ATP8A2: variants seen among roughly 807,000 people sequenced by gnomAD.
ATP8A2 encodes the protein ATPase phospholipid transporting 8A2.
In ATP8A2, 100 loss-of-function variants were observed where a neutral mutation model predicts 165.6. The observed-to-expected ratio is 0.60, with a 90% CI of 0.51 to 0.71. ATP8A2 has a LOEUF of 0.71. ATP8A2 is among the 30% of genes least tolerant of loss of function. The probability of loss-of-function intolerance (pLI) is 0.00; values close to 1 mark genes in which losing one functional copy is unlikely to be tolerated. For missense variants in ATP8A2, 1,227 were observed against 1,479.5 expected (o/e 0.83, Z 2.80); for synonymous variants, 543 against 548.8 (o/e 0.99, Z 0.15).
rs2038940527 is a variant in ATP8A2, at chr13:25,555,032, G to A, written c.1227G>A (p.Met409Ile). The change falls in exon 13 of 37, where the codon ATG becomes ATA. Residue 409 changes from methionine to isoleucine, a missense_variant. Transcript: ENST00000381655. Reference sequence around the variant, plus strand: ...ATATAGGAAATGACACTCCTGCCATGGCCAGGACATCAAACCTTAATGAAG... The same window carrying A: ...ATATAGGAAATGACACTCCTGCCATAGCCAGGACATCAAACCTTAATGAAG... ...MYYIGNDTPAMARTSNLNEEL... is the reference protein window; with the variant it reads ...MYYIGNDTPAIARTSNLNEEL... 1 of 1,612,956 alleles carries A rather than the reference G, an allele frequency of 6.2e-7. No individual in the cohort carries two copies. Among genetic ancestry groups the A allele is most frequent in the African/African-American group, 1.3e-5 (1 of 74,966 alleles).
chr13:25,441,037 G>A (rs1389650288), intron 1 of ATP8A2, among the ~76,000 whole-genome samples: 1 of 152,148 alleles, frequency 6.6e-6, no homozygotes, highest in East Asian at 1.9e-4. Context: ...TGCTTCAGGA[G>A]TCATCAAAAG....
intron 24 of ATP8A2, among the ~76,000 whole-genome samples, chr13:25,660,587 A>G (rs1195047437): frequency 6.6e-6 from 1 of 152,148 alleles, no homozygotes; most frequent in African/African-American, 2.4e-5. Flanking sequence ...TAAACCTAAA[A>G]CAAACATAAA....
chr13:25,378,047 A>G (rs894988018), intron 1 of ATP8A2, among the ~76,000 whole-genome samples: 8 of 152,006 alleles, frequency 5.3e-5, no homozygotes, highest in Admixed American at 2.0e-4. Flanking sequence ...GAGCCCAGGA[A>G]TTTGAGGCTG....
At chr13:25,697,701 A>T (rs2042864015) in intron 24 of ATP8A2, among the ~76,000 whole-genome samples, 1 of 152,244 alleles carries the variant, frequency 6.6e-6, no homozygotes, top group African/African-American at 2.4e-5. Context: ...ATTTGTTCAT[A>T]AGAAAAGTGC....
chr13:25,704,442 C>T (rs372094394), intron 25 of ATP8A2, among the ~76,000 whole-genome samples: 4 of 151,700 alleles, frequency 2.6e-5, no homozygotes, highest in East Asian at 3.9e-4. Flanking sequence ...TGGGTTCAAG[C>T]GATCTTCCTG....
chr13:25,915,050 C>A (rs1186094538), intron 33 of ATP8A2, among the ~76,000 whole-genome samples: 24 of 152,224 alleles, frequency 1.6e-4, no homozygotes, highest in Admixed American at 1.5e-3. Flanking sequence ...TCTGTGCCGA[C>A]CCACAGCTCT....
chr13:25,826,661 C>T (rs1951323634), intron 27 of ATP8A2, among the ~76,000 whole-genome samples: 1 of 152,210 alleles, frequency 6.6e-6, no homozygotes, highest in African/African-American at 2.4e-5. Context: ...CGGTCTCTGT[C>T]TGTGATGATG....
chr13:25,890,755 C>T (rs993691841), intron 33 of ATP8A2, among the ~76,000 whole-genome samples: 2 of 152,012 alleles, frequency 1.3e-5, no homozygotes, highest in Non-Finnish European at 2.9e-5. Flanking sequence ...AATGAATATC[C>T]CATAGAGCTA....
rs1467130137 is a variant in ATP8A2 at position 25,480,748 on chromosome 13, C to T, written c.221+11627C>T. Among the ~76,000 whole-genome samples, 338 of 150,514 alleles carry T rather than the reference C, an allele frequency of 2.2e-3. 4 individuals carry two copies. The highest frequency in any genetic ancestry group is 7.5e-3 in the African/African-American group (307 of 40,860). On this transcript the variant is annotated intron_variant, in intron 2 of 36. Coordinates refer to ENST00000381655, the MANE Select transcript of ATP8A2 (RefSeq NM_016529.6). ...GCAGAGACGCTCCTCACTTCCTAGACGGGGTGGCGGCCGGGCAGAGGCTGC... is the reference window on the plus strand; with the variant it reads ...GCAGAGACGCTCCTCACTTCCTAGATGGGGTGGCGGCCGGGCAGAGGCTGC...
chr13:25,736,566 G>A (rs1215676180), intron 25 of ATP8A2, among the ~76,000 whole-genome samples: 1 of 152,228 alleles, frequency 6.6e-6, no homozygotes, highest in Non-Finnish European at 1.5e-5. Flanking sequence ...TGAAGGGTCA[G>A]TGTAACTTTT....
intron 35 of ATP8A2, among the ~76,000 whole-genome samples, chr13:26,009,395 C>T (rs976728557): frequency 6.6e-6 from 1 of 152,198 alleles, no homozygotes; most frequent in Non-Finnish European, 1.5e-5. Flanking sequence ...CTTCAGAACC[C>T]CAGCTCTGCC....
chr13:25,998,449 C>T (rs1956562602), intron 35 of ATP8A2, among the ~76,000 whole-genome samples: 1 of 152,174 alleles, frequency 6.6e-6, no homozygotes, highest in African/African-American at 2.4e-5. Flanking sequence ...ACCTTTTTCT[C>T]TGGGGTATCT....
chr13:25,531,408 GATTATATATATGAT>G (rs1566230341), intron 4 of ATP8A2, among the ~76,000 whole-genome samples: 19 of 33,966 alleles, frequency 5.6e-4, no homozygotes, highest in African/African-American at 2.0e-3. Flanking sequence ...TTATATATAT[GATTATATATATGAT>G]ATATATATGA....
At chr13:25,949,202 G>C (rs1468937189) in intron 33 of ATP8A2, among the ~76,000 whole-genome samples, 1 of 152,222 alleles carries the variant, frequency 6.6e-6, no homozygotes, top group Non-Finnish European at 1.5e-5. Flanking sequence ...CCAAGGCTGG[G>C]CTCTGCAGGG....
rs1166099039 is a variant in ATP8A2, at chr13:25,395,853, C to CT, written c.76+23576dup. Among the ~76,000 whole-genome samples the CT allele has an allele frequency of 3.6e-3, 535 of 146,964 alleles. 1 individual carries two copies. Among genetic ancestry groups the CT allele is most frequent in the Non-Finnish European group, 4.8e-3 (315 of 66,276 alleles). On this transcript the variant is annotated intron_variant, in intron 1 of 36. Transcript: ENST00000381655. ...TGTCTGGCTGATCCAATTTTTCTTT[C>CT]TTTTTTTTTTTGACGGAGTCTCACT...
intron 24 of ATP8A2, among the ~76,000 whole-genome samples, chr13:25,683,487 T>C (rs2137818699): frequency 6.6e-6 from 1 of 152,322 alleles, no homozygotes; most frequent in African/African-American, 2.4e-5. Flanking sequence ...TATTTTATTC[T>C]TGTCATTAGA....
At position 25,731,318 on chromosome 13, in the gene ATP8A2, GAGAGAGAA is replaced by G. The variant is rs369974812; in HGVS notation, c.2384+31984_2384+31991del. Among the ~76,000 whole-genome samples the G allele has an allele frequency of 7.0e-3, 776 of 110,876 alleles. 5 individuals carry two copies. Among genetic ancestry groups the G allele is most frequent in the African/African-American group, 0.029 (733 of 24,960 alleles). 72.7% of individuals were successfully genotyped at this position (110,876 alleles called of 152,430 possible). A position where few individuals can be genotyped will look rare whatever the true frequency, so the allele number is the denominator to read the frequency against. ...AGAGAAAGAAAGAAAAGACCGGAAG[GAGAGAGAA>G]AGAGAGAAAGGGAAAGAAGAAAGAA... On this transcript the variant is annotated intron_variant, in intron 25 of 36. Transcript: ENST00000381655.
intron 30 of ATP8A2, among the ~76,000 whole-genome samples, chr13:25,847,478 CA>C (rs1951893395): frequency 1.3e-5 from 2 of 152,144 alleles, no homozygotes; most frequent in South Asian, 4.1e-4. Flanking sequence ...TCTTATGTTT[CA>C]ATGTCTCTTT....
intron 25 of ATP8A2, among the ~76,000 whole-genome samples, chr13:25,728,588 G>T (rs2138071059): frequency 1.3e-5 from 2 of 152,254 alleles, no homozygotes; most frequent in South Asian, 4.2e-4. Context: ...GAGAAAAAAT[G>T]GACTTTTTAG....
Sources: gnomAD v4.1 joint callset for allele counts (sites outside exome capture counted in the v4.1 genomes callset) on GRCh38, gnomAD v4.1.1 for gene constraint, MANE v1.5 for transcripts, NCBI Gene and HGNC (gene_info 2026-07-23, HGNC 2026-07-21) for gene names.